STAG1: variants seen among roughly 807,000 people sequenced by gnomAD.
STAG1 encodes STAG1 cohesin complex component, also known as cohesin subunit SA-1.
Under a neutral mutation model 170.9 loss-of-function variants are expected in STAG1, and 26 were observed. That is an observed-to-expected ratio of 0.15 (90% CI 0.11 to 0.21). The LOEUF (loss-of-function observed/expected upper bound fraction) is 0.21. Among genes scored for constraint, STAG1 ranks in the 10% least tolerant of loss-of-function variants. The pLI is 1.00. For synonymous variants in STAG1, 514 were observed against 497.7 expected (o/e 1.03, Z -0.44); for missense variants, 964 against 1,509.5 (o/e 0.64, Z 5.99).
At chr3:136,663,295 C>T (rs1244445936) in intron 1 of STAG1, among the ~76,000 whole-genome samples, 1 of 151,974 alleles carries the variant, frequency 6.6e-6, no homozygotes, top group Admixed American at 6.6e-5. Flanking sequence ...TCTTTATATG[C>T]CCTTAACATT....
intron 15 of STAG1, among the ~76,000 whole-genome samples, chr3:136,439,701 T>C (rs1173909616): frequency 1.3e-5 from 2 of 152,232 alleles, no homozygotes; most frequent in Non-Finnish European, 2.9e-5. Flanking sequence ...AGAGCTTATA[T>C]GTGGTTTGCA....
intron 6 of STAG1, among the ~76,000 whole-genome samples, chr3:136,541,582 A>ACACACACACC (rs1283802944): frequency 4.0e-5 from 6 of 150,066 alleles, no homozygotes; most frequent in African/African-American, 1.5e-4. Context: ...ACACACACAC[A>ACACACACACC]CACCAGGGGT....
At chr3:136,633,789 C>T (rs922334571) in intron 1 of STAG1, among the ~76,000 whole-genome samples, 18 of 147,842 alleles carry the variant, frequency 1.2e-4, no homozygotes, top group Admixed American at 2.1e-4. Context: ...AGTTCGAGAC[C>T]AGCCCAGGCA....
At chr3:136,603,170 T>C (rs565965654) in intron 4 of STAG1, among the ~76,000 whole-genome samples, 8 of 152,008 alleles carry the variant, frequency 5.3e-5, no homozygotes, top group African/African-American at 1.2e-4. Flanking sequence ...TTAGTTCTAA[T>C]AGTAATTCCG....
chr3:136,713,088 G>A (rs1219118010), intron 1 of STAG1, among the ~76,000 whole-genome samples: 3 of 152,012 alleles, frequency 2.0e-5, no homozygotes, highest in African/African-American at 4.8e-5. Flanking sequence ...GCAAAACTCC[G>A]TCTCAAAACA....
rs532438819 is a variant in STAG1 at position 136,372,256 on chromosome 3, G to A, written c.2371-2974C>T. ...GCTTAAGGAGATTTTGGGCTGAGACGATGGGGTTTTCTAAATATACAATCA... is the reference window on the plus strand; with the variant it reads ...GCTTAAGGAGATTTTGGGCTGAGACAATGGGGTTTTCTAAATATACAATCA... On this transcript the variant is annotated intron_variant, in intron 23 of 33. Coordinates refer to ENST00000383202, the MANE Select transcript of STAG1 (RefSeq NM_005862.3). Among the ~76,000 whole-genome samples the A allele has an allele frequency of 3.2e-3, 491 of 152,306 alleles. 1 individual carries two copies. The highest frequency in any genetic ancestry group is 0.011 in the African/African-American group (441 of 41,564).
chr3:136,470,311 A>G (rs190615837), intron 12 of STAG1, among the ~76,000 whole-genome samples: 3 of 152,358 alleles, frequency 2.0e-5, no homozygotes, highest in Admixed American at 2.0e-4. Context: ...CAACCCCATC[A>G]AAAAGTGGGC....
chr3:136,531,209 GATACC>G (rs1576575235), intron 6 of STAG1, among the ~76,000 whole-genome samples: 2 of 150,806 alleles, frequency 1.3e-5, no homozygotes, highest in Non-Finnish European at 2.9e-5. Flanking sequence ...ACCACAATGA[GATACC>G]ATCTCACACC....
intron 21 of STAG1, among the ~76,000 whole-genome samples, chr3:136,416,398 C>CA (rs1424646624): frequency 6.6e-6 from 1 of 152,152 alleles, no homozygotes; most frequent in Non-Finnish European, 1.5e-5. Context: ...TGAACATAAG[C>CA]AACAGAAAAC....
intron 6 of STAG1, among the ~76,000 whole-genome samples, chr3:136,537,750 A>G (rs1045561904): frequency 1.4e-4 from 21 of 151,274 alleles, no homozygotes; most frequent in African/African-American, 4.6e-4. Context: ...CCCACTTCAG[A>G]CTCTCAAAGT....
chr3:136,678,841 C>T (rs1241266133), intron 1 of STAG1, among the ~76,000 whole-genome samples: 3 of 141,120 alleles, frequency 2.1e-5, no homozygotes, highest in Non-Finnish European at 4.6e-5. Context: ...AGCAAGACCC[C>T]CATGCTCACA....
At chr3:136,368,363 C>G (rs1426817767) in intron 24 of STAG1, among the ~76,000 whole-genome samples, 1 of 152,126 alleles carries the variant, frequency 6.6e-6, no homozygotes, top group Non-Finnish European at 1.5e-5. Context: ...AGTTATCATT[C>G]TGCAGGCATA....
intron 1 of STAG1, among the ~76,000 whole-genome samples, chr3:136,713,275 G>C (rs1439231939): frequency 6.6e-6 from 1 of 151,888 alleles, no homozygotes. Context: ...CTGAGCCAAG[G>C]AAGCAAGACA....
chr3:136,562,725 T>C (rs1486748605), intron 5 of STAG1, among the ~76,000 whole-genome samples: 7 of 152,078 alleles, frequency 4.6e-5, no homozygotes, highest in African/African-American at 1.2e-4. Flanking sequence ...GTAGCTGGGA[T>C]TGCAGGCGCC....
At chr3:136,635,373 G>C (rs1940511451) in intron 1 of STAG1, among the ~76,000 whole-genome samples, 1 of 151,986 alleles carries the variant, frequency 6.6e-6, no homozygotes. Context: ...AAAACTACAT[G>C]ATCATACCAA....
chr3:136,542,032 C>A, intron 6 of STAG1, 87 bp downstream of exon 6: 1 of 1,008,630 alleles, frequency 9.9e-7, no homozygotes, highest in Admixed American at 2.0e-5. Context: ...CACTAAACAT[C>A]AAATCAAAAC....
At chr3:136,717,944 G>T (rs1370835172) in intron 1 of STAG1, among the ~76,000 whole-genome samples, 1 of 152,034 alleles carries the variant, frequency 6.6e-6, no homozygotes, top group Admixed American at 6.6e-5. Flanking sequence ...CATCCTCTCA[G>T]CCTCCACACC....
At chr3:136,463,705 C>T (rs1292157540) in intron 13 of STAG1, among the ~76,000 whole-genome samples, 23 of 138,824 alleles carry the variant, frequency 1.7e-4, no homozygotes, top group Admixed American at 1.6e-3. Flanking sequence ...CAGCAAGACC[C>T]CATCTCTCTA....
intron 4 of STAG1, among the ~76,000 whole-genome samples, chr3:136,603,627 G>A (rs781259978): frequency 2.6e-5 from 4 of 152,164 alleles, no homozygotes; most frequent in Admixed American, 6.5e-5. Flanking sequence ...GCTCACGCCT[G>A]TAATCCCAGT....
Sources: gnomAD v4.1 joint callset for allele counts (sites outside exome capture counted in the v4.1 genomes callset) on GRCh38, gnomAD v4.1.1 for gene constraint, MANE v1.5 for transcripts, NCBI Gene and HGNC (gene_info 2026-07-23, HGNC 2026-07-21) for gene names.